PPFIBP1: variants seen among roughly 807,000 people sequenced by gnomAD.
The protein encoded by PPFIBP1 is liprin-beta-1.
A neutral mutation model predicts 137.8 loss-of-function variants in PPFIBP1; 112 were observed. The observed-to-expected ratio is 0.81, with a 90% CI of 0.70 to 0.95. PPFIBP1 has a LOEUF of 0.95. Ranked by LOEUF, PPFIBP1 falls within the 40% of genes least tolerant of loss-of-function variation. The probability of loss-of-function intolerance (pLI) is 0.00; values close to 1 mark genes in which losing one functional copy is unlikely to be tolerated. For missense variants in PPFIBP1, 1,083 were observed against 1,196.6 expected, an observed-to-expected ratio of 0.91 and a Z score of 1.40; for synonymous variants, 378 against 417.3, an observed-to-expected ratio of 0.91 and a Z score of 1.15.
chr12:27,542,613 T>C (rs1226999627), intron 1 of PPFIBP1, among the ~76,000 whole-genome samples: 4 of 152,228 alleles, frequency 2.6e-5, no homozygotes, highest in African/African-American at 9.6e-5. Context: ...TTTAAAAGTT[T>C]TAGAATTGCT....
chr12:27,540,084 A>G (rs1480654133), intron 1 of PPFIBP1, among the ~76,000 whole-genome samples: 1 of 149,096 alleles, frequency 6.7e-6, no homozygotes, highest in Non-Finnish European at 1.5e-5. Context: ...TTTTTTAGAG[A>G]CAGGGTCTTC....
intron 9 of PPFIBP1, chr12:27,656,986 A>C (rs866439309): frequency 4.4e-5 from 14 of 316,220 alleles, no homozygotes; most frequent in East Asian, 1.4e-4. Flanking sequence ...GTAAATTCTC[A>C]TCACAAGGAT....
At chr12:27,665,668 T>G (rs779825446) in intron 12 of PPFIBP1, among the ~76,000 whole-genome samples, 1 of 152,128 alleles carries the variant, frequency 6.6e-6, no homozygotes, top group South Asian at 2.1e-4. Context: ...ATAAATAGAG[T>G]TATTTGCTCG....
intron 19 of PPFIBP1, among the ~76,000 whole-genome samples, chr12:27,678,881 A>AAAAAAAC (rs2060707182): frequency 7.0e-6 from 1 of 143,198 alleles, no homozygotes; most frequent in African/African-American, 2.8e-5. Flanking sequence ...AAAAAAAAAA[A>AAAAAAAC]CATTTAAGAG....
intron 10 of PPFIBP1, among the ~76,000 whole-genome samples, chr12:27,660,477 A>G (rs923183677): frequency 6.6e-6 from 1 of 152,194 alleles, no homozygotes; most frequent in Non-Finnish European, 1.5e-5. Flanking sequence ...CTTGGTTATA[A>G]CTATCATTTT....
intron 4 of PPFIBP1, among the ~76,000 whole-genome samples, chr12:27,644,151 A>T (rs1474260599): frequency 1.3e-5 from 2 of 151,374 alleles, no homozygotes; most frequent in Non-Finnish European, 2.9e-5. Flanking sequence ...AACATGGCTG[A>T]CTGTAGCCTC....
chr12:27,598,121 T>A (rs1219161266), intron 2 of PPFIBP1, among the ~76,000 whole-genome samples: 1 of 152,206 alleles, frequency 6.6e-6, no homozygotes, highest in Non-Finnish European at 1.5e-5. Flanking sequence ...TTTACTTATT[T>A]GTACCATTTC....
intron 2 of PPFIBP1, among the ~76,000 whole-genome samples, chr12:27,620,947 T>G (rs1423237498): frequency 6.6e-6 from 1 of 152,206 alleles, no homozygotes; most frequent in Non-Finnish European, 1.5e-5. Flanking sequence ...GAGCAACAAC[T>G]TTTTACTTTT....
chr12:27,662,302 G>T (rs1298460526), intron 11 of PPFIBP1, among the ~76,000 whole-genome samples: 1 of 152,174 alleles, frequency 6.6e-6, no homozygotes, highest in Non-Finnish European at 1.5e-5. Flanking sequence ...GAGTCGGGGC[G>T]TGGGGCTGAC....
At chr12:27,669,856 A>C (rs2060074712) in intron 13 of PPFIBP1, among the ~76,000 whole-genome samples, 1 of 152,242 alleles carries the variant, frequency 6.6e-6, no homozygotes, top group Admixed American at 6.5e-5. Flanking sequence ...TAAGTAAGTG[A>C]GTGTTCCCGG....
At chr12:27,580,908 C>T (rs2051037708) in intron 2 of PPFIBP1, among the ~76,000 whole-genome samples, 1 of 146,242 alleles carries the variant, frequency 6.8e-6, no homozygotes, top group African/African-American at 2.5e-5. Flanking sequence ...ACATTATACT[C>T]TTTTTTTTTT....
intron 2 of PPFIBP1, among the ~76,000 whole-genome samples, chr12:27,614,164 GC>G (rs886634049): frequency 6.6e-6 from 1 of 152,014 alleles, no homozygotes; most frequent in African/African-American, 2.4e-5. Flanking sequence ...AATCACTGGA[GC>G]CCACAAGTTC....
intron 11 of PPFIBP1, among the ~76,000 whole-genome samples, chr12:27,662,909 T>C (rs1324150846): frequency 6.6e-6 from 1 of 152,250 alleles, no homozygotes; most frequent in African/African-American, 2.4e-5. Flanking sequence ...AGTTAGCTTT[T>C]GCTTTGTGAC....
intron 2 of PPFIBP1, among the ~76,000 whole-genome samples, chr12:27,596,416 C>T (rs748071684): frequency 1.6e-4 from 25 of 152,240 alleles, no homozygotes; most frequent in Non-Finnish European, 2.8e-4. Flanking sequence ...CAGGTACCCA[C>T]AGACTGCCCA....
intron 2 of PPFIBP1, among the ~76,000 whole-genome samples, chr12:27,596,365 TAGAA>T (rs1344421535): frequency 6.6e-6 from 1 of 152,232 alleles, no homozygotes; most frequent in East Asian, 1.9e-4. Context: ...GAGTTATAGT[TAGAA>T]AGAAGCAGAT....
intron 2 of PPFIBP1, among the ~76,000 whole-genome samples, chr12:27,590,573 A>G (rs2052379376): frequency 6.6e-6 from 1 of 152,192 alleles, no homozygotes; most frequent in South Asian, 2.1e-4. Context: ...AGAGGGCTGA[A>G]AAGTACAAAT....
intron 7 of PPFIBP1, 150 bp from the exon 8 acceptor site, chr12:27,654,572 G>C (rs1260914618): frequency 1.0e-6 from 1 of 965,248 alleles, no homozygotes. Context: ...TTCTTAAGGA[G>C]GTACATTTAT....
At chr12:27,654,576 CA>C (rs2059081684) in intron 7 of PPFIBP1, 145 bp from the exon 8 acceptor site, 1 of 1,002,904 alleles carries the variant, frequency 1.0e-6, no homozygotes, top group African/African-American at 1.7e-5. Context: ...TAAGGAGGTA[CA>C]TTTATTTCCA....
At chr12:27,615,719 T>A (rs1171402894) in intron 2 of PPFIBP1, among the ~76,000 whole-genome samples, 2 of 152,142 alleles carry the variant, frequency 1.3e-5, no homozygotes, top group African/African-American at 2.4e-5. Context: ...TAACATCTCA[T>A]AACTCCCAGT....
Sources: allele counts gnomAD v4.1 joint callset (sites outside exome capture counted in the v4.1 genomes callset), GRCh38; gene constraint gnomAD v4.1.1; transcripts MANE v1.5; gene names NCBI Gene and HGNC (gene_info 2026-07-23, HGNC 2026-07-21).